The following WDR19 variants were observed in gnomAD, a reference collection of about 807,000 sequenced individuals.
WDR19 encodes WD repeat domain 19, also known as WD repeat-containing protein 19.
In WDR19, 121 loss-of-function variants were observed where a neutral mutation model predicts 180.0. That is an observed-to-expected ratio of 0.67 (90% CI 0.58 to 0.78). WDR19 has a LOEUF of 0.78. Ranked by LOEUF, WDR19 falls within the 30% of genes least tolerant of loss-of-function variation. WDR19 has a pLI of 0.00. For synonymous variants in WDR19, 497 were observed against 540.7 expected (o/e 0.92, Z 1.12); for missense variants, 1,450 against 1,640.7 (o/e 0.88, Z 2.01).
chr4:39,232,090 C>T lies in WDR19; in HGVS notation c.2143-72C>T, dbSNP rs556890738. ...TAGAACGTTACCACTTCCTACTGAT[C>T]AAAGTCCTTAAAAAAAAAAAAAAGT... On this transcript the variant is annotated intron_variant, in intron 18 of 36. Transcript: ENST00000399820. The T allele has an allele frequency of 4.7e-6, 7 of 1,488,044 alleles. No homozygotes were observed. In the South Asian group the frequency reaches 6.0e-5, roughly 13 times the overall value. 92.2% of individuals were successfully genotyped at this position (1,488,044 alleles called of 1,614,324 possible).
chr4:39,199,632 CT>C, intron 6 of WDR19, 39 bp downstream of exon 6: 4 of 1,492,894 alleles, frequency 2.7e-6, no homozygotes, highest in Non-Finnish European at 3.7e-6. Flanking sequence ...TATATTCAAG[CT>C]TTCCCCCCAA....
intron 28 of WDR19, among the ~76,000 whole-genome samples, chr4:39,264,348 C>T (rs1249025627): frequency 1.3e-5 from 2 of 152,230 alleles, no homozygotes; most frequent in East Asian, 1.9e-4. Flanking sequence ...TATGTACCAA[C>T]GTCCCTGCTT....
intron 32 of WDR19, 37 bp downstream of exon 32, chr4:39,273,098 A>G (rs1735541535): frequency 1.3e-6 from 2 of 1,501,308 alleles, no homozygotes; most frequent in African/African-American, 2.8e-5. Flanking sequence ...CCCATGCCCC[A>G]TGCCCCATGC....
At chr4:39,198,804 A>G (rs1306181332) in intron 5 of WDR19, among the ~76,000 whole-genome samples, 1 of 152,208 alleles carries the variant, frequency 6.6e-6, no homozygotes, top group Non-Finnish European at 1.5e-5. Context: ...GTTCAAGACC[A>G]GCCTGGCCAA....
intron 14 of WDR19, among the ~76,000 whole-genome samples, chr4:39,221,018 T>C (rs1729649891): frequency 1.3e-5 from 2 of 151,654 alleles, no homozygotes; most frequent in Non-Finnish European, 2.9e-5. Flanking sequence ...CACAGGAGCC[T>C]GGCCTAAATT....
chr4:39,245,585 G>T, intron 24 of WDR19, 133 bp downstream of exon 24: 3 of 831,772 alleles, frequency 3.6e-6, no homozygotes. Flanking sequence ...CCCCTTGTTG[G>T]CCTGAAGTGC....
At chr4:39,224,649 G>C (rs1465460567) in intron 14 of WDR19, among the ~76,000 whole-genome samples, 1 of 152,060 alleles carries the variant, frequency 6.6e-6, no homozygotes, top group Non-Finnish European at 1.5e-5. Context: ...GCCCGTCGTG[G>C]GCTCCCAAAG....
chr4:39,210,500 T>C (rs1728378498), intron 9 of WDR19, among the ~76,000 whole-genome samples: 1 of 152,008 alleles, frequency 6.6e-6, no homozygotes, highest in East Asian at 1.9e-4. Context: ...CTGGGCAATA[T>C]AGCGAGACCC....
At chr4:39,234,504 C>T (rs1370987503) in intron 19 of WDR19, among the ~76,000 whole-genome samples, 2 of 152,078 alleles carry the variant, frequency 1.3e-5, no homozygotes, top group African/African-American at 4.8e-5. Flanking sequence ...TTGTTAGATA[C>T]GACTGAGTTT....
chr4:39,186,609 G>A lies in WDR19; in HGVS notation c.164+5G>A, dbSNP rs1725584942. On this transcript the variant is annotated splice_donor_5th_base_variant and intron_variant, in intron 3 of 36. Transcript: ENST00000399820. ...AAGTGAAATTAACTTACCTGGGTAA[G>A]TACAGAAGTAGATTTAAAAAAACCT... is the stretch of plus-strand genomic sequence containing the variant. 7 of 1,537,750 alleles carry A rather than the reference G, an allele frequency of 4.6e-6. No homozygotes were observed. Among genetic ancestry groups the A allele is most frequent in the Non-Finnish European group, 5.2e-6 (6 of 1,148,336 alleles).
At chr4:39,271,995 A>C (rs758859257) in intron 31 of WDR19, among the ~76,000 whole-genome samples, 1 of 152,240 alleles carries the variant, frequency 6.6e-6, no homozygotes, top group East Asian at 1.9e-4. Flanking sequence ...GAGACTGCAC[A>C]GGTCTATAAT....
intron 15 of WDR19, among the ~76,000 whole-genome samples, chr4:39,226,852 TATTTA>T (rs1420450572): frequency 1.3e-5 from 2 of 152,236 alleles, no homozygotes; most frequent in African/African-American, 4.8e-5. Context: ...AATTTTAATA[TATTTA>T]ATTTAACCCT....
chr4:39,279,447 G>A (rs1166401265), intron 36 of WDR19, among the ~76,000 whole-genome samples: 2 of 152,188 alleles, frequency 1.3e-5, no homozygotes, highest in Non-Finnish European at 2.9e-5. Context: ...TATCTGGTTC[G>A]TGGTTCTCTT....
At chr4:39,254,855 C>A (rs1027878633) in intron 26 of WDR19, among the ~76,000 whole-genome samples, 1 of 152,028 alleles carries the variant, frequency 6.6e-6, no homozygotes, top group Admixed American at 6.6e-5. Flanking sequence ...ATTCATGGTA[C>A]CTCGTATAAG....
At chr4:39,205,328 T>C (rs1727832339) in intron 8 of WDR19, 62 bp downstream of exon 8, 1 of 1,395,174 alleles carries the variant, frequency 7.2e-7, no homozygotes, top group Non-Finnish European at 9.9e-7. Flanking sequence ...TGTAGGTTTT[T>C]CCTTACTAAT....
chr4:39,182,536 G>C lies in WDR19; in HGVS notation c.-22G>C, dbSNP rs759574294. ...GGTGCGCCTGCGTACTTCATAGTTC[G>C]CGTAGCGGCTCGAGCGTGGAGATGA... On this transcript the variant is annotated 5_prime_UTR_variant, in exon 1 of 37. Coordinates refer to ENST00000399820, the MANE Select transcript of WDR19 (RefSeq NM_025132.4). 6.2e-7 allele frequency: 1 copy of C among 1,613,818 alleles called. No homozygotes were observed. The highest frequency in any genetic ancestry group is 1.1e-5 in the South Asian group (1 of 91,042).
At chr4:39,257,835 A>G (rs914293085) in intron 28 of WDR19, among the ~76,000 whole-genome samples, 5 of 152,012 alleles carry the variant, frequency 3.3e-5, no homozygotes, top group African/African-American at 1.2e-4. Context: ...ATTTTCTTTT[A>G]GGTGTAACTT....
At chr4:39,228,067 T>A (rs1730457682) in intron 15 of WDR19, 143 bp from the exon 16 acceptor site, 1 of 800,210 alleles carries the variant, frequency 1.2e-6, no homozygotes, top group Admixed American at 3.0e-5. Flanking sequence ...AGAAACTTTC[T>A]TTCCTGTTGT....
intron 36 of WDR19, among the ~76,000 whole-genome samples, chr4:39,281,004 A>T (rs1400830945): frequency 6.6e-6 from 1 of 151,948 alleles, no homozygotes; most frequent in East Asian, 1.9e-4. Flanking sequence ...ACACTGGATT[A>T]TTGTCTATTT....
Sources: gnomAD v4.1 joint callset for allele counts (sites outside exome capture counted in the v4.1 genomes callset) on GRCh38, gnomAD v4.1.1 for gene constraint, MANE v1.5 for transcripts, NCBI Gene and HGNC (gene_info 2026-07-23, HGNC 2026-07-21) for gene names.